The following BAIAP2L1 variants were observed in gnomAD, a reference collection of about 807,000 sequenced individuals.
BAIAP2L1 encodes the protein BAR/IMD domain-containing adapter protein 2-like 1.
BAIAP2L1 carries 35 observed loss-of-function variants against 66.3 expected under a neutral mutation model. The observed-to-expected ratio is 0.53, with a 90% CI of 0.40 to 0.70. The LOEUF (loss-of-function observed/expected upper bound fraction) is 0.70. Among genes scored for constraint, BAIAP2L1 ranks in the 30% least tolerant of loss-of-function variants. BAIAP2L1 has a pLI of 0.00. For synonymous variants in BAIAP2L1, 269 were observed against 248.7 expected (o/e 1.08, Z -0.77); for missense variants, 622 against 656.9 (o/e 0.95, Z 0.58).
chr7:98,340,441 C>T (rs901152255), intron 3 of BAIAP2L1, among the ~76,000 whole-genome samples: 2 of 152,068 alleles, frequency 1.3e-5, no homozygotes, highest in Non-Finnish European at 2.9e-5. Context: ...GCGCCCGCCA[C>T]CACTCCCGGC....
chr7:98,400,643 C>A (rs890809691), intron 1 of BAIAP2L1, among the ~76,000 whole-genome samples, 159 bp downstream of exon 1: 3 of 107,450 alleles, frequency 2.8e-5, no homozygotes, highest in African/African-American at 1.1e-4. Context: ...AGAAGAGGGG[C>A]TGTGGAGGGC....
Position 98,292,681 on chromosome 7 carries a change from CTG to C in BAIAP2L1, c.*838_*839del, listed in dbSNP as rs1346769258. On this transcript the variant is annotated 3_prime_UTR_variant, in exon 14 of 14. Transcript: ENST00000005260. ...GGCTTTACACGTATCCTTTGAGAGT[CTG>C]TACCTGATTCAAACACGGAGAAACC... 1.3e-6 allele frequency: 2 copies of C among 1,551,558 alleles called. No homozygotes were observed. The highest frequency in any genetic ancestry group is 2.4e-5 in the East Asian group (1 of 40,934).
intron 3 of BAIAP2L1, among the ~76,000 whole-genome samples, chr7:98,354,701 C>G (rs1802079573): frequency 6.6e-6 from 1 of 152,210 alleles, no homozygotes; most frequent in Admixed American, 6.5e-5. Context: ...ACAGGAAACA[C>G]TCTGGCCACA....
intron 3 of BAIAP2L1, among the ~76,000 whole-genome samples, chr7:98,333,208 C>A (rs1445340198): frequency 1.3e-5 from 2 of 152,202 alleles, no homozygotes; most frequent in Non-Finnish European, 2.9e-5. Flanking sequence ...GTCCACCCCA[C>A]TAGAATGTTA....
intron 1 of BAIAP2L1, 61 bp from the exon 2 acceptor site, chr7:98,362,493 AT>A: frequency 6.9e-7 from 1 of 1,445,964 alleles, no homozygotes; most frequent in Non-Finnish European, 9.6e-7. Context: ...TCATCTTCAG[AT>A]TTTGTCACTG....
In BAIAP2L1 at chr7:98,362,355, A is replaced by G; in HGVS notation, c.127+2T>C. 6.2e-7 allele frequency: 1 copy of G among 1,602,488 alleles called. No homozygotes were observed. The highest frequency in any genetic ancestry group is 1.3e-5 in the African/African-American group (1 of 74,782). On this transcript the variant is annotated splice_donor_variant, in intron 2 of 13. Transcript: ENST00000005260. LOFTEE classifies it high-confidence loss of function. The stretch of plus-strand genomic sequence containing the variant: ...ATAATCAATTCAGAAAAACAGACTT[A>G]CCGTTTACAGCTTTCTCATAATTTT...
At chr7:98,380,078 C>G (rs952121719) in intron 1 of BAIAP2L1, among the ~76,000 whole-genome samples, 1 of 140,368 alleles carries the variant, frequency 7.1e-6, no homozygotes, top group African/African-American at 2.6e-5. Context: ...CTCAAAAATG[C>G]TTTTTTTTTT....
At chr7:98,324,610 G>A (rs1801333388) in intron 3 of BAIAP2L1, among the ~76,000 whole-genome samples, 1 of 152,064 alleles carries the variant, frequency 6.6e-6, no homozygotes, top group African/African-American at 2.4e-5. Flanking sequence ...CACTTTTTCG[G>A]GTTCAGGCGG....
At chr7:98,324,958 G>A (rs185803123) in intron 3 of BAIAP2L1, among the ~76,000 whole-genome samples, 9 of 152,284 alleles carry the variant, frequency 5.9e-5, no homozygotes, top group African/African-American at 1.7e-4. Flanking sequence ...TCCAGAGAAC[G>A]CAGAGCAACG....
At position 98,307,646 on chromosome 7, in the gene BAIAP2L1, G is replaced by A. The variant is rs115134774; in HGVS notation, c.1163+43C>T. On this transcript the variant is annotated intron_variant, in intron 10 of 13. Coordinates refer to ENST00000005260, the MANE Select transcript of BAIAP2L1 (RefSeq NM_018842.5). ...GCAGCTTGGCTGCTCTGGAAGGGAG[G>A]GGCCGTCTGGTGCCCTGCGGGGACC... 3.0e-3 allele frequency: 4,753 copies of A among 1,607,026 alleles called. 127 individuals carry two copies. In the African/African-American group the frequency reaches 0.057, roughly 19 times the overall value.
chr7:98,355,633 G>T (rs1451102980), intron 2 of BAIAP2L1, among the ~76,000 whole-genome samples: 1 of 152,048 alleles, frequency 6.6e-6, no homozygotes, highest in Non-Finnish European at 1.5e-5. Context: ...GGAGGCTGAG[G>T]TGAGAGGATC....
chr7:98,331,814 AG>A (rs1367647080), intron 3 of BAIAP2L1, among the ~76,000 whole-genome samples: 1 of 152,182 alleles, frequency 6.6e-6, no homozygotes, highest in Non-Finnish European at 1.5e-5. Flanking sequence ...TTGCTTCTAG[AG>A]GAACAATGAT....
At chr7:98,360,815 C>T (rs893660071) in intron 2 of BAIAP2L1, among the ~76,000 whole-genome samples, 1 of 152,176 alleles carries the variant, frequency 6.6e-6, no homozygotes, top group Non-Finnish European at 1.5e-5. Flanking sequence ...ACGGGGACCA[C>T]TGGAGGGCAA....
intron 3 of BAIAP2L1, among the ~76,000 whole-genome samples, chr7:98,325,951 G>A (rs562904761): frequency 1.3e-5 from 2 of 152,312 alleles, no homozygotes; most frequent in African/African-American, 4.8e-5. Flanking sequence ...GTCCCTGGAC[G>A]CAGTTGGAAG....
chr7:98,326,721 C>T (rs1801387727), intron 3 of BAIAP2L1, among the ~76,000 whole-genome samples: 1 of 152,150 alleles, frequency 6.6e-6, no homozygotes, highest in Admixed American at 6.5e-5. Flanking sequence ...AGAGGGAGTA[C>T]AGAGATGGAA....
intron 12 of BAIAP2L1, among the ~76,000 whole-genome samples, chr7:98,300,512 C>T (rs925610465): frequency 2.6e-5 from 4 of 152,214 alleles, no homozygotes; most frequent in Admixed American, 2.6e-4. Context: ...ATCAGGAAAG[C>T]GTACTGATGT....
intron 1 of BAIAP2L1, among the ~76,000 whole-genome samples, chr7:98,376,347 A>C (rs1445553465): frequency 1.3e-5 from 2 of 151,792 alleles, no homozygotes; most frequent in Admixed American, 1.3e-4. Flanking sequence ...TACCAAAAAC[A>C]ACAAAAAAAA....
At chr7:98,361,535 T>C (rs571931655) in intron 2 of BAIAP2L1, among the ~76,000 whole-genome samples, 3 of 152,130 alleles carry the variant, frequency 2.0e-5, no homozygotes, top group African/African-American at 7.2e-5. Context: ...ACTTGCTACA[T>C]TTTGGGGAAG....
At chr7:98,388,156 T>G (rs1802942131) in intron 1 of BAIAP2L1, among the ~76,000 whole-genome samples, 1 of 152,170 alleles carries the variant, frequency 6.6e-6, no homozygotes, top group East Asian at 1.9e-4. Flanking sequence ...CCAGATGCTA[T>G]TCTAAGAGCT....
Sources: gnomAD v4.1 joint callset for allele counts (sites outside exome capture counted in the v4.1 genomes callset) on GRCh38, gnomAD v4.1.1 for gene constraint, MANE v1.5 for transcripts, NCBI Gene and HGNC (gene_info 2026-07-23, HGNC 2026-07-21) for gene names.